The following HOMEZ variants were observed in gnomAD, a reference collection of about 807,000 sequenced individuals.
The protein encoded by HOMEZ is homeobox and leucine zipper protein Homez.
A neutral mutation model predicts 50.1 loss-of-function variants in HOMEZ; 20 were observed. That is an observed-to-expected ratio of 0.40 (90% CI 0.28 to 0.58). The LOEUF is 0.58. Among genes scored for constraint, HOMEZ ranks in the 20% least tolerant of loss-of-function variants. The pLI, the probability that HOMEZ is intolerant of heterozygous loss-of-function variation, is 0.46. For synonymous variants in HOMEZ, 239 were observed against 254.7 expected (o/e 0.94, Z 0.59); for missense variants, 579 against 680.5 (o/e 0.85, Z 1.66).
chr14:23,285,780 G>A, intron 1 of HOMEZ, 133 bp downstream of exon 1: 1 of 477,026 alleles, frequency 2.1e-6, no homozygotes, highest in Non-Finnish European at 3.5e-6. Flanking sequence ...GAAAAGTCCA[G>A]AGGAGAAAAA....
chr14:23,279,322 C>T (rs1886437139), intron 1 of HOMEZ, among the ~76,000 whole-genome samples: 1 of 152,048 alleles, frequency 6.6e-6, no homozygotes, highest in South Asian at 2.1e-4. Context: ...TGAGCACACA[C>T]CTGGACAAAA....
chr14:23,276,060 C>T lies in HOMEZ; in HGVS notation c.1168G>A (p.Glu390Lys). The T allele has an allele frequency of 6.2e-7, 1 of 1,613,956 alleles. No homozygotes were observed. Among genetic ancestry groups the T allele is most frequent in the Non-Finnish European group, 8.5e-7 (1 of 1,179,854 alleles). Residue 390 changes from glutamate (E) to lysine (K), a missense_variant, in exon 2 of 2, where the codon GAA becomes AAA. Glu to Lys is a moderately conservative substitution (Grantham distance 56). Coordinates refer to ENST00000357460, the MANE Select transcript of HOMEZ (RefSeq NM_020834.3). This position sits in a 1 kb window ranked among gnomAD's most constrained non-coding sequence, Gnocchi z 4.1. ...WARREDYQKL[E>K]QITGLPRPEI... Reference sequence around the variant, plus strand: ...GGCCGAGGTAAACCAGTGATCTGTTCTAACTTTTGGTAATCCTCACGCCGT... The same window carrying T: ...GGCCGAGGTAAACCAGTGATCTGTTTTAACTTTTGGTAATCCTCACGCCGT...
At chr14:23,280,740 A>ATTATTTTATTTTATTTTATT (rs1277086572) in intron 1 of HOMEZ, among the ~76,000 whole-genome samples, 1,656 of 41,250 alleles carry the variant, frequency 0.04, 234 homozygotes, top group East Asian at 0.1. Flanking sequence ...ATTTTATTTT[A>ATTATTTTATTTTATTTTATT]TTATTTTATT....
chr14:23,283,824 G>A (rs1280849847), intron 1 of HOMEZ, among the ~76,000 whole-genome samples: 2 of 152,160 alleles, frequency 1.3e-5, no homozygotes, highest in African/African-American at 4.8e-5. Context: ...GAACCTGGGG[G>A]GCGGACGTTG....
In HOMEZ at chr14:23,272,820, CA is replaced by C; in HGVS notation, c.*2754del. 6.5e-7 allele frequency: 1 copy of C among 1,546,392 alleles called. No individual in the cohort carries two copies. The highest frequency in any genetic ancestry group is 8.7e-7 in the Non-Finnish European group (1 of 1,143,690). ...ACATCTACCTTCTTGTCCTCTGCTG[CA>C]GACTCTCTACCAACAACGGAGGCAT... is the stretch of plus-strand genomic sequence containing the variant. On this transcript the variant is annotated 3_prime_UTR_variant, in exon 2 of 2. Coordinates refer to ENST00000357460, the MANE Select transcript of HOMEZ (RefSeq NM_020834.3).
At chr14:23,281,913 G>C (rs1262660598) in intron 1 of HOMEZ, among the ~76,000 whole-genome samples, 2 of 151,926 alleles carry the variant, frequency 1.3e-5, no homozygotes, top group African/African-American at 4.8e-5. Flanking sequence ...AGGATTGCTT[G>C]AGCCTGGGAG....
At chr14:23,280,713 T>TATATTTTA (rs1353728239) in intron 1 of HOMEZ, among the ~76,000 whole-genome samples, 2 of 57,414 alleles carry the variant, frequency 3.5e-5, no homozygotes, top group Non-Finnish European at 6.7e-5. Context: ...ATTTTTATTT[T>TATATTTTA]TATTTTATTT....
intron 1 of HOMEZ, among the ~76,000 whole-genome samples, chr14:23,280,623 G>A (rs1886469040): frequency 6.6e-6 from 1 of 151,438 alleles, no homozygotes; most frequent in South Asian, 2.1e-4. Context: ...CCCTGTGTGG[G>A]CACTAGAGAC....
chr14:23,280,740 A>ATCTTATC (rs1555323621), intron 1 of HOMEZ, among the ~76,000 whole-genome samples: 1 of 41,264 alleles, frequency 2.4e-5, no homozygotes. Context: ...ATTTTATTTT[A>ATCTTATC]TTATTTTATT....
At position 23,275,173 on chromosome 14, in the gene HOMEZ, G is replaced by A; in HGVS notation, c.*402C>T. On this transcript the variant is annotated 3_prime_UTR_variant, in exon 2 of 2. Transcript: ENST00000357460. ...AGATGGTGGGATTGGGGATGCACTGGAATCATCAATCAAATCAGAATCCTT... is the reference window on the plus strand; with the variant it reads ...AGATGGTGGGATTGGGGATGCACTGAAATCATCAATCAAATCAGAATCCTT... The A allele has an allele frequency of 5.7e-6, 1 of 176,004 alleles. No homozygotes were observed. Among genetic ancestry groups the A allele is most frequent in the Non-Finnish European group, 1.2e-5 (1 of 84,772 alleles). The allele number at this position is 176,004 out of a possible 1,614,324, so 10.9% of individuals were successfully genotyped here.
rs1489537882 is a variant in HOMEZ, at chr14:23,286,037, C to A, written c.-85G>T. The A allele has an allele frequency of 8.1e-7, 1 of 1,232,146 alleles. No individual in the cohort carries two copies. Among genetic ancestry groups the A allele is most frequent in the African/African-American group, 1.6e-5 (1 of 64,390 alleles). The allele number at this position is 1,232,146 out of a possible 1,614,324, so 76.3% of individuals were successfully genotyped here. On this transcript the variant is annotated 5_prime_UTR_variant, in exon 1 of 2. Transcript: ENST00000357460. ...CCGGTGCGGCCGCTCCGAGCCCACC[C>A]CAGCGATGGCCGAAACCGGGACTGC...
At position 23,272,613 on chromosome 14, in the gene HOMEZ, C is replaced by T; in HGVS notation, c.*2962G>A. 1.7e-6 allele frequency: 1 copy of T among 582,054 alleles called. No homozygotes were observed. Among genetic ancestry groups the T allele is most frequent in the Non-Finnish European group, 3.0e-6 (1 of 328,336 alleles). The allele number at this position is 582,054 out of a possible 1,614,324, so 36.1% of individuals were successfully genotyped here. A position where few individuals can be genotyped will look rare whatever the true frequency, so the allele number is the denominator to read the frequency against. Reference sequence around the variant, plus strand: ...AAATATTCATCCTTATTATTATCACCATAAGCTACTGAAATGTTCCAGAGA... The same window carrying T: ...AAATATTCATCCTTATTATTATCACTATAAGCTACTGAAATGTTCCAGAGA... On this transcript the variant is annotated 3_prime_UTR_variant, in exon 2 of 2. Coordinates refer to ENST00000357460, the MANE Select transcript of HOMEZ (RefSeq NM_020834.3).
Position 23,276,399 on chromosome 14 carries a change from ACTC to A in HOMEZ, c.826_828del (p.Glu276del). 1.9e-6 allele frequency: 3 copies of A among 1,613,692 alleles called. No individual in the cohort carries two copies. Among genetic ancestry groups the A allele is most frequent in the Non-Finnish European group, 2.5e-6 (3 of 1,179,808 alleles). On this transcript the variant is annotated inframe_deletion, in exon 2 of 2. Transcript: ENST00000357460. This position sits in a 1 kb window ranked among gnomAD's most constrained non-coding sequence, Gnocchi z 4.1. Reference sequence around the variant, plus strand: ...GAAGAGGGAGTAACACTAGATGCTGACTCCTCCTTACAACTACTGGCAATTAAT... The same window carrying A: ...GAAGAGGGAGTAACACTAGATGCTGACTCCTTACAACTACTGGCAATTAAT...
Position 23,274,845 on chromosome 14 carries a change from G to A in HOMEZ, c.*730C>T, listed in dbSNP as rs1160220949. 1 of 151,926 alleles carries A rather than the reference G, an allele frequency of 6.6e-6. No homozygotes were observed. The highest frequency in any genetic ancestry group is 1.5e-5 in the Non-Finnish European group (1 of 68,060). 9.4% of individuals were successfully genotyped at this position (151,926 alleles called of 1,614,324 possible). A position where few individuals can be genotyped will look rare whatever the true frequency, so the allele number is the denominator to read the frequency against. On this transcript the variant is annotated 3_prime_UTR_variant, in exon 2 of 2. Coordinates refer to ENST00000357460, the MANE Select transcript of HOMEZ (RefSeq NM_020834.3). ...GGCATGAACCTGGGAGGCGGAGCTT[G>A]CAGTGAGCTGAGATTGCGCCATTGC...
At chr14:23,280,701 A>ATT (rs1349289532) in intron 1 of HOMEZ, among the ~76,000 whole-genome samples, 6 of 70,050 alleles carry the variant, frequency 8.6e-5, no homozygotes, top group Admixed American at 4.8e-4. Context: ...TTTTATTTTT[A>ATT]TATTTTTATT....
rs969402080 is a variant in HOMEZ at position 23,273,663 on chromosome 14, A to G, written c.*1912T>C. On this transcript the variant is annotated 3_prime_UTR_variant, in exon 2 of 2. Transcript: ENST00000357460. The stretch of plus-strand genomic sequence containing the variant: ...AAAATAGCAGGCATCTGCCAGAAAT[A>G]AATTAGGTCTTGGGAATGATCTTGT... 4 of 152,254 alleles carry G rather than the reference A, an allele frequency of 2.6e-5. No individual in the cohort carries two copies. Among genetic ancestry groups the G allele is most frequent in the African/African-American group, 9.6e-5 (4 of 41,468 alleles). The allele number at this position is 152,254 out of a possible 1,614,324, so 9.4% of individuals were successfully genotyped here. A position where few individuals can be genotyped will look rare whatever the true frequency, so the allele number is the denominator to read the frequency against.
chr14:23,280,723 T>TTTTTA (rs1566451081), intron 1 of HOMEZ, among the ~76,000 whole-genome samples: 1 of 67,828 alleles, frequency 1.5e-5, no homozygotes, highest in Non-Finnish European at 2.9e-5. Flanking sequence ...TTATTTTATT[T>TTTTTA]TATTTTATTT....
chr14:23,281,843 A>C (rs1886565007), intron 1 of HOMEZ, among the ~76,000 whole-genome samples: 2 of 138,024 alleles, frequency 1.4e-5, no homozygotes, highest in Non-Finnish European at 3.1e-5. Context: ...AATAATACAA[A>C]ATATTAGCTG....
chr14:23,277,838 C>T (rs566794734), intron 1 of HOMEZ, among the ~76,000 whole-genome samples: 16 of 150,912 alleles, frequency 1.1e-4, no homozygotes, highest in Middle Eastern at 3.5e-3. Context: ...TGTGTGTGTG[C>T]GTGTGTTTTG....
Sources: allele counts gnomAD v4.1 joint callset (sites outside exome capture counted in the v4.1 genomes callset), GRCh38; gene constraint gnomAD v4.1.1; non-coding constraint Gnocchi (gnomAD v3.1); transcripts MANE v1.5; gene names NCBI Gene and HGNC (gene_info 2026-07-23, HGNC 2026-07-21).